PCDH15: variants seen among roughly 807,000 people sequenced by gnomAD.
PCDH15 encodes protocadherin-15.
In PCDH15, 129 loss-of-function variants were observed where a neutral mutation model predicts 178.5. That is an observed-to-expected ratio of 0.72 (90% CI 0.63 to 0.84). The LOEUF is 0.84. Among genes scored for constraint, PCDH15 ranks in the 40% least tolerant of loss-of-function variants. The pLI is 0.00. For missense variants in PCDH15, 2,230 were observed against 2,099.9 expected (o/e 1.06, Z -1.21); for synonymous variants, 800 against 732.0 (o/e 1.09, Z -1.50).
At chr10:55,152,285 A>G (rs893742977) in intron 2 of PCDH15, among the ~76,000 whole-genome samples, 1 of 152,152 alleles carries the variant, frequency 6.6e-6, no homozygotes, top group Admixed American at 6.6e-5. Flanking sequence ...CCTCATGTGG[A>G]TAAATACAGT....
chr10:54,481,065 C>T (rs1344079221), intron 3 of PCDH15, among the ~76,000 whole-genome samples: 2 of 151,686 alleles, frequency 1.3e-5, no homozygotes, highest in South Asian at 2.1e-4. Flanking sequence ...TGATATTAAG[C>T]GAAGATTTTA....
upstream of PCDH15, among the ~76,000 whole-genome samples, chr10:54,804,010 T>C (rs1952732717): frequency 6.6e-6 from 1 of 152,072 alleles, no homozygotes; most frequent in East Asian, 1.9e-4. Context: ...TATTAAAAAG[T>C]GGTAATAAAC....
chr10:54,399,535 G>C lies in PCDH15; in HGVS notation c.158-20593C>G, dbSNP rs570797255. Among the ~76,000 whole-genome samples, 6 of 152,178 alleles carry C rather than the reference G, an allele frequency of 3.9e-5. No homozygotes were observed. In the South Asian group the frequency reaches 1.2e-3, roughly 32 times the overall value. On this transcript the variant is annotated intron_variant, in intron 3 of 37. Coordinates refer to ENST00000644397, the MANE Select transcript of PCDH15 (RefSeq NM_001384140.1). ...GTTGAAGGGTGTCTGACTTTCACTT[G>C]ACAATTTTAAAGGGTGAAAGTCTAA...
chr10:53,977,121 AC>A (rs979230762), intron 21 of PCDH15, among the ~76,000 whole-genome samples: 25 of 151,958 alleles, frequency 1.6e-4, no homozygotes, highest in Middle Eastern at 3.4e-3. Context: ...TTTGACACTA[AC>A]CTCCCATCTC....
At chr10:55,041,610 T>C (rs1382368336) in intron 2 of PCDH15, among the ~76,000 whole-genome samples, 1 of 152,134 alleles carries the variant, frequency 6.6e-6, no homozygotes, top group East Asian at 1.9e-4. Context: ...CAGGCAAATC[T>C]ATTCTAAATA....
At chr10:54,541,236 T>C (rs950332505) in intron 2 of PCDH15, among the ~76,000 whole-genome samples, 1 of 152,106 alleles carries the variant, frequency 6.6e-6, no homozygotes, top group African/African-American at 2.4e-5. Context: ...ATCTCTTCTA[T>C]AACCAGGAAA....
chr10:55,164,105 C>A (rs748385167), intron 2 of PCDH15, among the ~76,000 whole-genome samples: 8 of 152,138 alleles, frequency 5.3e-5, no homozygotes, highest in Non-Finnish European at 2.9e-5. Flanking sequence ...TGCAGTAGAG[C>A]CTACTATGGC....
At chr10:54,220,850 AAAT>A (rs1175394215) in intron 9 of PCDH15, among the ~76,000 whole-genome samples, 1 of 149,646 alleles carries the variant, frequency 6.7e-6, no homozygotes, top group African/African-American at 2.5e-5. Context: ...ATAAATAAAT[AAAT>A]AAATAAATAA....
chr10:55,085,486 AT>A (rs1454021813), intron 2 of PCDH15, among the ~76,000 whole-genome samples: 1 of 151,928 alleles, frequency 6.6e-6, no homozygotes, highest in Non-Finnish European at 1.5e-5. Flanking sequence ...CTAAAAGAGT[AT>A]AATTGGAATG....
chr10:54,930,652 T>C (rs1463487897), intron 2 of PCDH15, among the ~76,000 whole-genome samples: 1 of 152,198 alleles, frequency 6.6e-6, no homozygotes, highest in African/African-American at 2.4e-5. Context: ...CCTTATTTAT[T>C]CTTATAGAAA....
intron 18 of PCDH15, among the ~76,000 whole-genome samples, chr10:54,035,236 C>G (rs2093388814): frequency 6.6e-6 from 1 of 151,864 alleles, no homozygotes; most frequent in South Asian, 2.1e-4. Flanking sequence ...CAGGCACACT[C>G]TGTTTCATTG....
chr10:55,118,952 C>A (rs1360263350), intron 2 of PCDH15, among the ~76,000 whole-genome samples: 1 of 152,176 alleles, frequency 6.6e-6, no homozygotes, highest in Admixed American at 6.5e-5. Flanking sequence ...TTTGCCACCA[C>A]ATAGTGAATC....
At chr10:55,453,753 C>T (rs1839486259) in intron 2 of PCDH15, among the ~76,000 whole-genome samples, 1 of 152,070 alleles carries the variant, frequency 6.6e-6, no homozygotes, top group Non-Finnish European at 1.5e-5. Context: ...CCAAGCCAAC[C>T]TTCATGCTCT....
At chr10:55,028,521 G>A (rs1364246174) in intron 2 of PCDH15, among the ~76,000 whole-genome samples, 1 of 151,916 alleles carries the variant, frequency 6.6e-6, no homozygotes, top group Non-Finnish European at 1.5e-5. Flanking sequence ...AACATATCGT[G>A]ACTTTATAAA....
intron 2 of PCDH15, among the ~76,000 whole-genome samples, chr10:54,948,568 G>A (rs541794203): frequency 6.6e-6 from 1 of 151,948 alleles, no homozygotes; most frequent in South Asian, 2.1e-4. Flanking sequence ...CAATGCAGAT[G>A]AGCATTATCC....
chr10:54,861,592 T>C (rs1263771653), intron 3 of PCDH15, among the ~76,000 whole-genome samples: 2 of 152,114 alleles, frequency 1.3e-5, no homozygotes, highest in African/African-American at 4.8e-5. Context: ...ACCAACATCA[T>C]AGAGAATGGA....
In PCDH15 at chr10:54,984,451, G is replaced by C. The variant is rs1839316609; in HGVS notation, c.-79-86951C>G. Among the ~76,000 whole-genome samples the C allele has an allele frequency of 3.3e-5, 5 of 152,170 alleles. No individual in the cohort carries two copies. The South Asian group carries it at 1.0e-3, about 31-fold the overall frequency. Reference sequence around the variant, plus strand: ...CCAAGAATCTGAACAGACAGGCCTTGCTGTGTTTCTCAGTCTGTTACCATC... The same window carrying C: ...CCAAGAATCTGAACAGACAGGCCTTCCTGTGTTTCTCAGTCTGTTACCATC... On this transcript the variant is annotated intron_variant, in intron 2 of 5. Coordinates refer to the PCDH15 transcript ENST00000458638.
chr10:54,756,466 C>T (rs1296396640), intron 1 of PCDH15, among the ~76,000 whole-genome samples: 1 of 152,064 alleles, frequency 6.6e-6, no homozygotes, highest in Admixed American at 6.6e-5. Context: ...TCAAATTAGA[C>T]TTTTCTTCCA....
chr10:54,286,970 G>T (rs2059067861), intron 8 of PCDH15, among the ~76,000 whole-genome samples: 1 of 152,020 alleles, frequency 6.6e-6, no homozygotes, highest in African/African-American at 2.4e-5. Context: ...ATTCTCTTTT[G>T]CTGTACTTAT....
Sources: allele counts gnomAD v4.1 joint callset (sites outside exome capture counted in the v4.1 genomes callset), GRCh38; gene constraint gnomAD v4.1.1; transcripts MANE v1.5; gene names NCBI Gene and HGNC (gene_info 2026-07-23, HGNC 2026-07-21).